PDE4B: variants seen among roughly 807,000 people sequenced by gnomAD.
The protein encoded by PDE4B is phosphodiesterase 4B, also known as 3',5'-cyclic-AMP phosphodiesterase 4B.
PDE4B carries 20 observed loss-of-function variants against 82.2 expected under a neutral mutation model. The ratio of observed to expected loss-of-function variants is 0.24; its 90% CI spans 0.17 to 0.35. PDE4B has a LOEUF of 0.35. Among genes scored for constraint, PDE4B ranks in the 10% least tolerant of loss-of-function variants. The pLI is 1.00. For missense variants in PDE4B, 655 were observed against 907.2 expected, an observed-to-expected ratio of 0.72 and a Z score of 3.57; for synonymous variants, 320 against 318.9, an observed-to-expected ratio of 1.00 and a Z score of -0.04.
chr1:66,228,766 T>A (rs1268813344), intron 3 of PDE4B, among the ~76,000 whole-genome samples: 7 of 152,188 alleles, frequency 4.6e-5, no homozygotes, highest in Non-Finnish European at 8.8e-5. Flanking sequence ...TTATCTTCTT[T>A]TTCTACCATC....
In PDE4B at chr1:65,923,076, C is replaced by G. The variant is rs1647309165; in HGVS notation, c.281+4241C>G. Among the ~76,000 whole-genome samples, 3 of 151,628 alleles carry G rather than the reference C, an allele frequency of 2.0e-5. No individual in the cohort carries two copies. In the South Asian group the frequency reaches 6.2e-4, roughly 32 times the overall value. ...ACTGAAGTTCAAAAAATGAAGTTCT[C>G]ACATTTATCTTCCATGTCTTCTTGA... On this transcript the variant is annotated intron_variant, in intron 3 of 16. Coordinates refer to ENST00000341517, the MANE Select transcript of PDE4B (RefSeq NM_002600.4).
intron 3 of PDE4B, among the ~76,000 whole-genome samples, chr1:65,949,897 T>A (rs1399013068): frequency 2.0e-5 from 3 of 151,966 alleles, no homozygotes; most frequent in Non-Finnish European, 2.9e-5. Context: ...GATATCCCCA[T>A]CCAAGCATCA....
At chr1:65,952,302 T>G (rs1436032019) in intron 3 of PDE4B, among the ~76,000 whole-genome samples, 1 of 152,064 alleles carries the variant, frequency 6.6e-6, no homozygotes, top group African/African-American at 2.4e-5. Context: ...TAACCCTTAA[T>G]TGTTGTGGCA....
At chr1:66,165,755 T>C (rs1325792576) in intron 3 of PDE4B, among the ~76,000 whole-genome samples, 2 of 152,118 alleles carry the variant, frequency 1.3e-5, no homozygotes, top group African/African-American at 2.4e-5. Context: ...CCTAAATAAA[T>C]AGAAGAACGT....
At chr1:66,049,879 C>T (rs1654922828) in intron 3 of PDE4B, among the ~76,000 whole-genome samples, 1 of 151,930 alleles carries the variant, frequency 6.6e-6, no homozygotes, top group Admixed American at 6.6e-5. Context: ...CCCGGGTTAC[C>T]TTTTGCTTTA....
At chr1:65,953,187 G>A (rs1353040700) in intron 3 of PDE4B, among the ~76,000 whole-genome samples, 1 of 151,968 alleles carries the variant, frequency 6.6e-6, no homozygotes. Flanking sequence ...GAAACATCAG[G>A]CCCATTCCCA....
At chr1:66,227,501 CA>C (rs1187483088) in intron 3 of PDE4B, among the ~76,000 whole-genome samples, 2 of 152,054 alleles carry the variant, frequency 1.3e-5, no homozygotes, top group Non-Finnish European at 2.9e-5. Flanking sequence ...TATAAATATA[CA>C]ATATATATTA....
At chr1:66,275,430 T>C (rs916588265) in intron 7 of PDE4B, among the ~76,000 whole-genome samples, 3 of 152,120 alleles carry the variant, frequency 2.0e-5, no homozygotes, top group African/African-American at 7.2e-5. Flanking sequence ...TTGGCCCTTT[T>C]GGGAAAAACT....
At chr1:65,980,397 T>A (rs957730850) in intron 3 of PDE4B, among the ~76,000 whole-genome samples, 5 of 152,206 alleles carry the variant, frequency 3.3e-5, no homozygotes, top group African/African-American at 1.2e-4. Flanking sequence ...CTTCAGCTGT[T>A]GCTGTCACGA....
intron 1 of PDE4B, among the ~76,000 whole-genome samples, chr1:65,809,226 G>T (rs758908707): frequency 1.3e-5 from 2 of 150,774 alleles, no homozygotes; most frequent in African/African-American, 4.9e-5. Flanking sequence ...AGCTACTTGG[G>T]AGGCTTAAGC....
chr1:66,070,838 AG>A (rs1371327585), intron 3 of PDE4B, among the ~76,000 whole-genome samples: 3 of 152,220 alleles, frequency 2.0e-5, no homozygotes, highest in African/African-American at 7.2e-5. Context: ...GATTTGTTTA[AG>A]AACATGTTTT....
At chr1:65,862,754 C>T (rs189592611) in intron 1 of PDE4B, among the ~76,000 whole-genome samples, 9 of 152,204 alleles carry the variant, frequency 5.9e-5, no homozygotes, top group East Asian at 3.9e-4. Flanking sequence ...TTCAGGGATT[C>T]GGCTTCTTCC....
chr1:66,184,295 G>C (rs927927963), intron 3 of PDE4B, among the ~76,000 whole-genome samples: 22 of 152,062 alleles, frequency 1.4e-4, no homozygotes, highest in African/African-American at 4.8e-4. Context: ...ATAAATCCAG[G>C]GTAGGGAGGT....
At chr1:66,337,740 A>C (rs1014937265) in intron 8 of PDE4B, among the ~76,000 whole-genome samples, 6 of 152,196 alleles carry the variant, frequency 3.9e-5, no homozygotes, top group Non-Finnish European at 1.5e-5. Flanking sequence ...CACATGTTAG[A>C]GGTGACCCTG....
rs2050833751 is a variant in PDE4B, at chr1:66,372,855, C to T, written c.*177C>T. ...GGAAGCAAATAGCAGCTCAGGAAAT[C>T]CCACGGTTGACTTGCCTTGATGGCA... On this transcript the variant is annotated 3_prime_UTR_variant, in exon 17 of 17. Transcript: ENST00000341517. The T allele has an allele frequency of 1.6e-6, 1 of 607,148 alleles. No homozygotes were observed. The highest frequency in any genetic ancestry group is 2.8e-5 in the East Asian group (1 of 35,808). 37.6% of individuals were successfully genotyped at this position (607,148 alleles called of 1,614,324 possible).
At chr1:65,915,049 C>G (rs1292545137) in intron 2 of PDE4B, among the ~76,000 whole-genome samples, 1 of 152,126 alleles carries the variant, frequency 6.6e-6, no homozygotes, top group Non-Finnish European at 1.5e-5. Context: ...TTTGCATATG[C>G]AAGCCTAAGT....
At chr1:66,084,584 C>A (rs1656909176) in intron 3 of PDE4B, among the ~76,000 whole-genome samples, 1 of 152,034 alleles carries the variant, frequency 6.6e-6, no homozygotes, top group Non-Finnish European at 1.5e-5. Context: ...GTTTAGACCC[C>A]AAGAAACTCA....
At chr1:66,099,451 T>C (rs1645178887) in intron 3 of PDE4B, among the ~76,000 whole-genome samples, 1 of 152,174 alleles carries the variant, frequency 6.6e-6, no homozygotes, top group Non-Finnish European at 1.5e-5. Context: ...ATTGAAGTAA[T>C]ACATTAGTGG....
intron 3 of PDE4B, among the ~76,000 whole-genome samples, chr1:66,189,329 A>G (rs185206727): frequency 1.9e-3 from 294 of 152,100 alleles, no homozygotes; most frequent in Non-Finnish European, 3.1e-3. Context: ...GCTCTTCTCG[A>G]GGAGTATCTT....
Sources: allele counts gnomAD v4.1 joint callset (sites outside exome capture counted in the v4.1 genomes callset), GRCh38; gene constraint gnomAD v4.1.1; transcripts MANE v1.5; gene names NCBI Gene and HGNC (gene_info 2026-07-23, HGNC 2026-07-21).